TBC1D4: variants seen among roughly 807,000 people sequenced by gnomAD.
TBC1D4 encodes the protein TBC1 domain family member 4, also known as TBC (Tre-2, BUB2, CDC16) domain-containing protein.
In TBC1D4, 121 loss-of-function variants were observed where a neutral mutation model predicts 142.5. The ratio of observed to expected loss-of-function variants is 0.85; its 90% CI spans 0.73 to 0.99. TBC1D4 has a LOEUF of 0.99. Among genes scored for constraint, TBC1D4 ranks in the 50% least tolerant of loss-of-function variants. The pLI, the probability that TBC1D4 is intolerant of heterozygous loss-of-function variation, is 0.00. For missense variants in TBC1D4, 1,475 were observed against 1,606.6 expected, an observed-to-expected ratio of 0.92 and a Z score of 1.40; for synonymous variants, 630 against 628.2, an observed-to-expected ratio of 1.00 and a Z score of -0.04.
intron 1 of TBC1D4, among the ~76,000 whole-genome samples, chr13:75,448,242 T>C (rs1887376911): frequency 6.6e-6 from 1 of 151,942 alleles, no homozygotes; most frequent in African/African-American, 2.4e-5. Context: ...GGGACAGAGG[T>C]CTCTTTCTTT....
At chr13:75,475,024 A>G (rs1206202110) in intron 1 of TBC1D4, among the ~76,000 whole-genome samples, 1 of 152,226 alleles carries the variant, frequency 6.6e-6, no homozygotes, top group Non-Finnish European at 1.5e-5. Context: ...CTGTGAAGCT[A>G]AAGGGTGATC....
intron 1 of TBC1D4, among the ~76,000 whole-genome samples, chr13:75,479,764 A>G (rs1384291585): frequency 6.6e-6 from 1 of 152,248 alleles, no homozygotes; most frequent in East Asian, 1.9e-4. Flanking sequence ...AGCTAAAAAT[A>G]AGTTTTGAAC....
At chr13:75,306,838 T>A (rs1214233592) in intron 14 of TBC1D4, among the ~76,000 whole-genome samples, 2 of 152,220 alleles carry the variant, frequency 1.3e-5, no homozygotes, top group African/African-American at 4.8e-5. Context: ...CTCATGCTCA[T>A]CTTGATTTGA....
intron 1 of TBC1D4, among the ~76,000 whole-genome samples, chr13:75,370,629 G>GA (rs1218879753): frequency 1.3e-5 from 2 of 152,108 alleles, no homozygotes; most frequent in Admixed American, 6.5e-5. Context: ...ACAGGAATTA[G>GA]AAAAAATGGA....
chr13:75,370,239 G>T (rs925634805), intron 1 of TBC1D4, among the ~76,000 whole-genome samples: 2 of 152,162 alleles, frequency 1.3e-5, no homozygotes, highest in African/African-American at 4.8e-5. Context: ...ACGCGATTAT[G>T]GGGGAGGCAG....
At chr13:75,391,195 T>TACACACACACAC (rs111629817) in intron 1 of TBC1D4, among the ~76,000 whole-genome samples, 1 of 141,932 alleles carries the variant, frequency 7.0e-6, no homozygotes, top group Non-Finnish European at 1.5e-5. Context: ...CCCATCAGTT[T>TACACACACACAC]ACACACACAC....
At chr13:75,326,477 C>CCA in intron 9 of TBC1D4, 54 bp from the exon 10 acceptor site, 1 of 1,578,692 alleles carries the variant, frequency 6.3e-7, no homozygotes, top group Non-Finnish European at 8.7e-7. Flanking sequence ...CATGGCAGAC[C>CCA]TGCCAAAACA....
intron 1 of TBC1D4, among the ~76,000 whole-genome samples, chr13:75,386,458 G>A (rs186950003): frequency 1.3e-3 from 190 of 147,110 alleles, no homozygotes; most frequent in African/African-American, 4.4e-3. Context: ...GTGTGATCTC[G>A]GCTCACTGCA....
intron 1 of TBC1D4, among the ~76,000 whole-genome samples, chr13:75,458,652 C>T (rs1012949174): frequency 2.6e-5 from 4 of 152,146 alleles, no homozygotes; most frequent in Admixed American, 2.0e-4. Context: ...TTAATGTATA[C>T]CCCTTAGGTA....
At chr13:75,353,505 G>C (rs1045590956) in intron 4 of TBC1D4, among the ~76,000 whole-genome samples, 3 of 152,148 alleles carry the variant, frequency 2.0e-5, no homozygotes, top group Non-Finnish European at 4.4e-5. Context: ...CAATCTAGTA[G>C]AGTAGGTGGT....
At chr13:75,360,062 A>G (rs1191997962) in intron 2 of TBC1D4, among the ~76,000 whole-genome samples, 5 of 151,168 alleles carry the variant, frequency 3.3e-5, no homozygotes, top group East Asian at 3.9e-4. Context: ...TCTGTCAAAA[A>G]ACGTATGAAA....
At position 75,362,525 on chromosome 13, in the gene TBC1D4, T is replaced by A. The variant is rs1289704112; in HGVS notation, c.581A>T (p.Asp194Val). Reference sequence around the variant, plus strand: ...GAACTTCTGAGAGTTGTAAAAGGCGTCCTCATTATCTTTGCTGGGTTTGGC... The same window carrying A: ...GAACTTCTGAGAGTTGTAAAAGGCGACCTCATTATCTTTGCTGGGTTTGGC... ...EDAKPSKDNE[D>V]AFYNSQKFEV... Residue 194 changes from aspartate to valine, a missense_variant, in exon 2 of 21, where the codon GAC becomes GTC. Transcript: ENST00000377636. The surrounding 1 kb of genome is among the most constrained non-coding windows in gnomAD (Gnocchi z 4.2). 1 of 1,614,226 alleles carries A rather than the reference T, an allele frequency of 6.2e-7. No homozygotes were observed. Among genetic ancestry groups the A allele is most frequent in the Admixed American group, 1.7e-5 (1 of 60,034 alleles).
At chr13:75,335,986 C>T (rs940873074) in intron 8 of TBC1D4, among the ~76,000 whole-genome samples, 2 of 152,164 alleles carry the variant, frequency 1.3e-5, no homozygotes, top group African/African-American at 2.4e-5. Context: ...TAGTATTGAG[C>T]ATCAGTATTC....
chr13:75,427,092 A>ATT (rs34413653), intron 1 of TBC1D4, among the ~76,000 whole-genome samples: 87 of 142,712 alleles, frequency 6.1e-4, no homozygotes, highest in African/African-American at 1.7e-3. Context: ...AAATATAAAC[A>ATT]TTTTTTTTTT....
chr13:75,397,546 AAAGAT>A (rs1255467707), intron 1 of TBC1D4, among the ~76,000 whole-genome samples: 2 of 152,214 alleles, frequency 1.3e-5, no homozygotes, highest in Non-Finnish European at 2.9e-5. Flanking sequence ...CAAGGAGAGA[AAAGAT>A]AAGTCAGTCT....
intron 1 of TBC1D4, among the ~76,000 whole-genome samples, chr13:75,403,210 G>A (rs1362372556): frequency 1.3e-5 from 2 of 152,182 alleles, no homozygotes; most frequent in African/African-American, 2.4e-5. Flanking sequence ...AATTCCACCG[G>A]ATCCTCTACT....
At position 75,481,669 on chromosome 13, in the gene TBC1D4, A is replaced by G; in HGVS notation, c.99T>C (p.Asp33=). 1 of 1,601,390 alleles carries G rather than the reference A, an allele frequency of 6.2e-7. No homozygotes were observed. Among genetic ancestry groups the G allele is most frequent in the African/African-American group, 1.3e-5 (1 of 74,154 alleles). ...CAACGTACCACAGCCGGAACCGCTT[A>G]TCGCTTGGCTTCCCGGGGCCGGGCT... is the stretch of plus-strand genomic sequence containing the variant. ...SAQPGPGKPS[D]KRFRLWYVGG... is the part of the protein sequence containing the mutation. Residue 33 remains aspartate (D), a synonymous_variant, in exon 1 of 21, where the codon GAT becomes GAC. Coordinates refer to ENST00000377636, the MANE Select transcript of TBC1D4 (RefSeq NM_014832.5).
intron 1 of TBC1D4, among the ~76,000 whole-genome samples, chr13:75,470,210 G>A (rs1358070724): frequency 6.6e-6 from 1 of 152,076 alleles, no homozygotes; most frequent in Non-Finnish European, 1.5e-5. Flanking sequence ...TAGGCCTGGG[G>A]ACCATAAAGT....
chr13:75,460,061 T>C (rs1280126808), intron 1 of TBC1D4, among the ~76,000 whole-genome samples: 3 of 152,068 alleles, frequency 2.0e-5, no homozygotes, highest in Non-Finnish European at 4.4e-5. Flanking sequence ...GAGAATGGCA[T>C]GAACCTGGGA....
Sources: allele counts gnomAD v4.1 joint callset (sites outside exome capture counted in the v4.1 genomes callset), GRCh38; gene constraint gnomAD v4.1.1; non-coding constraint Gnocchi (gnomAD v3.1); transcripts MANE v1.5; gene names NCBI Gene and HGNC (gene_info 2026-07-23, HGNC 2026-07-21).